FGGY: variants seen among roughly 807,000 people sequenced by gnomAD.
FGGY encodes FGGY carbohydrate kinase domain containing, also known as FGGY carbohydrate kinase domain-containing protein.
A neutral mutation model predicts 71.3 loss-of-function variants in FGGY; 72 were observed. The observed-to-expected ratio is 1.01, with a 90% confidence interval of 0.84 to 1.23. The LOEUF is 1.23. Among genes scored for constraint, FGGY ranks in the 50% most tolerant of loss-of-function variants. The pLI, the probability that FGGY is intolerant of heterozygous loss-of-function variation, is 0.00. For synonymous variants in FGGY, 251 were observed against 250.3 expected (o/e 1.00, Z -0.02); for missense variants, 668 against 682.3 (o/e 0.98, Z 0.23).
At chr1:59,312,180 A>C (rs2044465731) in intron 1 of FGGY, among the ~76,000 whole-genome samples, 1 of 152,096 alleles carries the variant, frequency 6.6e-6, no homozygotes, top group South Asian at 2.1e-4. Flanking sequence ...AGATTGCAAA[A>C]ATTTTCTCCC....
At chr1:59,552,999 A>G (rs1020738387) in intron 7 of FGGY, among the ~76,000 whole-genome samples, 1 of 152,186 alleles carries the variant, frequency 6.6e-6, no homozygotes, top group Non-Finnish European at 1.5e-5. Context: ...GAGACTATTT[A>G]ACAGGGAGAA....
chr1:59,410,388 A>C (rs1212997328), intron 5 of FGGY, among the ~76,000 whole-genome samples: 1 of 152,156 alleles, frequency 6.6e-6, no homozygotes, highest in Non-Finnish European at 1.5e-5. Flanking sequence ...AGCACTCAGA[A>C]AGGTTGAGTC....
chr1:59,483,190 G>A (rs1409505561), intron 6 of FGGY, among the ~76,000 whole-genome samples: 1 of 152,148 alleles, frequency 6.6e-6, no homozygotes, highest in Non-Finnish European at 1.5e-5. Flanking sequence ...TTCATGGAGT[G>A]ACTTTCCTAC....
intron 7 of FGGY, among the ~76,000 whole-genome samples, chr1:59,540,517 G>T (rs1319365142): frequency 6.6e-6 from 1 of 152,152 alleles, no homozygotes. Context: ...CAAATCCTGT[G>T]GTGTAGACAT....
chr1:59,654,540 CT>C (rs1005475555), intron 11 of FGGY, among the ~76,000 whole-genome samples: 2 of 152,090 alleles, frequency 1.3e-5, no homozygotes, highest in East Asian at 1.9e-4. Context: ...ATTTTTAAGC[CT>C]TTTTTTTCTT....
intron 6 of FGGY, among the ~76,000 whole-genome samples, chr1:59,462,649 A>T (rs1371064051): frequency 2.0e-5 from 3 of 152,240 alleles, no homozygotes; most frequent in Non-Finnish European, 4.4e-5. Context: ...TGGGCAAAGG[A>T]TATGAACAGA....
chr1:59,305,529 G>A lies in FGGY; in HGVS notation c.-15+8379G>A, dbSNP rs370408992. On this transcript the variant is annotated intron_variant, in intron 1 of 15. Coordinates refer to ENST00000303721, the MANE Select transcript of FGGY (RefSeq NM_018291.5). ...GCCTGTAATTATCTTTTCTCATAAT[G>A]TCCTTGTCTAGCTTTAGTTTAAGGG... is the stretch of plus-strand genomic sequence containing the variant. 8.8e-4 allele frequency among the ~76,000 whole-genome samples: 134 copies of A among 152,112 alleles called. 3 individuals are homozygous for A. In the South Asian group the frequency reaches 0.027, roughly 31 times the overall value.
At chr1:59,356,804 C>G (rs969435846) in intron 4 of FGGY, among the ~76,000 whole-genome samples, 1 of 152,170 alleles carries the variant, frequency 6.6e-6, no homozygotes, top group African/African-American at 2.4e-5. Context: ...CACCCCTTGG[C>G]TGCAGTCCTG....
chr1:59,464,588 T>C (rs542684096), intron 6 of FGGY, among the ~76,000 whole-genome samples: 42 of 152,202 alleles, frequency 2.8e-4, no homozygotes, highest in African/African-American at 9.6e-4. Flanking sequence ...AGGAGCTGGT[T>C]TTTTGAAAAG....
intron 6 of FGGY, among the ~76,000 whole-genome samples, chr1:59,501,953 A>G (rs967322991): frequency 6.6e-6 from 1 of 152,252 alleles, no homozygotes; most frequent in Non-Finnish European, 1.5e-5. Context: ...GGGAGTCATA[A>G]TAACCATAAT....
rs567810956 is a variant in FGGY, at chr1:59,650,111, T to G, written c.1222-10108T>G. Reference sequence around the variant, plus strand: ...CCCAGGGATGAAGCCCACTTGATCATGGTGGATAAGCTTTTTGATGTGCTG... The same window carrying G: ...CCCAGGGATGAAGCCCACTTGATCAGGGTGGATAAGCTTTTTGATGTGCTG... On this transcript the variant is annotated intron_variant, in intron 11 of 15. Coordinates refer to ENST00000303721, the MANE Select transcript of FGGY (RefSeq NM_018291.5). 2.4e-4 allele frequency among the ~76,000 whole-genome samples: 36 copies of G among 148,508 alleles called. 1 individual carries two copies. The South Asian group carries it at 7.5e-3, about 31-fold the overall frequency.
At chr1:59,699,170 A>T (rs893831242) in intron 14 of FGGY, 5 of 985,270 alleles carry the variant, frequency 5.1e-6, no homozygotes, top group Non-Finnish European at 6.0e-6. Context: ...CGTGAGCTTC[A>T]GCTGAGTCCC....
chr1:59,655,833 T>C (rs1331121552), intron 11 of FGGY, among the ~76,000 whole-genome samples: 1 of 152,160 alleles, frequency 6.6e-6, no homozygotes, highest in Non-Finnish European at 1.5e-5. Context: ...TTTTTGTGGA[T>C]GAAAAAATTG....
chr1:59,736,914 G>A (rs1269462425), intron 14 of FGGY, among the ~76,000 whole-genome samples: 1 of 152,230 alleles, frequency 6.6e-6, no homozygotes, highest in Non-Finnish European at 1.5e-5. Context: ...TCCCATCACA[G>A]GCCTGGAGGC....
At chr1:59,758,287 T>C (rs374265638) in intron 15 of FGGY, among the ~76,000 whole-genome samples, 13 of 152,362 alleles carry the variant, frequency 8.5e-5, no homozygotes, top group African/African-American at 3.1e-4. Context: ...GGATCTCTTA[T>C]ATCTCCATCA....
chr1:59,719,322 G>T (rs977872330), intron 14 of FGGY, among the ~76,000 whole-genome samples: 3 of 152,136 alleles, frequency 2.0e-5, no homozygotes, highest in Non-Finnish European at 4.4e-5. Flanking sequence ...ATGGCCTCTG[G>T]AATCAGAAGG....
intron 10 of FGGY, 134 bp from the exon 11 acceptor site, chr1:59,638,093 TG>T: frequency 1.3e-6 from 1 of 792,110 alleles, no homozygotes; most frequent in South Asian, 1.8e-5. Context: ...GAGAGTACAG[TG>T]GGCTAGCTTC....
At chr1:59,669,781 C>T (rs2097360976) in intron 13 of FGGY, among the ~76,000 whole-genome samples, 1 of 152,106 alleles carries the variant, frequency 6.6e-6, no homozygotes, top group South Asian at 2.1e-4. Context: ...ACACAGTACT[C>T]TAGAAAATGG....
intron 7 of FGGY, among the ~76,000 whole-genome samples, chr1:59,518,831 C>A (rs190475156): frequency 6.6e-6 from 1 of 152,336 alleles, no homozygotes; most frequent in Admixed American, 6.5e-5. Context: ...AAAACTCTGT[C>A]TTCTATAAAC....
Sources: gnomAD v4.1 joint callset for allele counts (sites outside exome capture counted in the v4.1 genomes callset) on GRCh38, gnomAD v4.1.1 for gene constraint, MANE v1.5 for transcripts, NCBI Gene and HGNC (gene_info 2026-07-23, HGNC 2026-07-21) for gene names.